Variants in PCDHGB4 observed in about 807,000 individuals in gnomAD.
The protein encoded by PCDHGB4 is protocadherin gamma subfamily B, 4.
PCDHGB4 carries 38 observed loss-of-function variants against 60.5 expected under a neutral mutation model. That is an observed-to-expected ratio of 0.63 (90% CI 0.48 to 0.82). The LOEUF (loss-of-function observed/expected upper bound fraction) is 0.82, where lower values mean the gene tolerates loss of function less well. Ranked by LOEUF, PCDHGB4 falls within the 40% of genes least tolerant of loss-of-function variation. PCDHGB4 has a pLI of 0.00. For missense variants in PCDHGB4, 1,109 were observed against 1,209.6 expected, an observed-to-expected ratio of 0.92 and a Z score of 1.23; for synonymous variants, 456 against 509.7, an observed-to-expected ratio of 0.89 and a Z score of 1.42.
chr5:141,484,864 A>G, intron 1 of PCDHGB4: 1 of 263,722 alleles, frequency 3.8e-6, no homozygotes, highest in Non-Finnish European at 7.2e-6. Context: ...GGGGTGGGGG[A>G]GCGTGGAGGA....
intron 1 of PCDHGB4, chr5:141,403,850 G>T: frequency 6.2e-7 from 1 of 1,613,634 alleles, no homozygotes; most frequent in Non-Finnish European, 8.5e-7. Context: ...AAATACTGGG[G>T]AAATATCAAC....
At chr5:141,405,523 G>T (rs140184617) in intron 1 of PCDHGB4, 2 of 679,202 alleles carry the variant, frequency 2.9e-6, no homozygotes, top group African/African-American at 3.6e-5. Context: ...AAATTCAAGC[G>T]ATTCTCCTGC....
chr5:141,510,839 C>T (rs186647886), intron 3 of PCDHGB4, 108 bp from the exon 4 acceptor site: 36 of 1,586,990 alleles, frequency 2.3e-5, no homozygotes, highest in Non-Finnish European at 3.1e-5. Context: ...TCAGCGTGGT[C>T]AAGGCCCAGG....
intron 1 of PCDHGB4, among the ~76,000 whole-genome samples, chr5:141,444,203 C>A (rs2098425806): frequency 1.3e-5 from 1 of 79,180 alleles, no homozygotes; most frequent in Admixed American, 2.0e-4. Context: ...TGGAGTTTCA[C>A]TCTTGTTGCC....
chr5:141,419,415 C>A, intron 1 of PCDHGB4: 2 of 1,613,434 alleles, frequency 1.2e-6, no homozygotes, highest in Non-Finnish European at 1.7e-6. Flanking sequence ...GCGCAGCGCG[C>A]CTTCGACCAC....
At chr5:141,463,773 C>A (rs2099069188) in intron 1 of PCDHGB4, among the ~76,000 whole-genome samples, 1 of 152,088 alleles carries the variant, frequency 6.6e-6, no homozygotes, top group Non-Finnish European at 1.5e-5. Context: ...GGGTTAGAAT[C>A]CTGCACTGTC....
chr5:141,433,062 T>G (rs1371087184), intron 1 of PCDHGB4: 1 of 1,614,074 alleles, frequency 6.2e-7, no homozygotes, highest in Non-Finnish European at 8.5e-7. Context: ...AAGAGTCACC[T>G]GATCTTCCCC....
At chr5:141,441,499 GCCT>G (rs1350774469) in intron 1 of PCDHGB4, 5 of 169,932 alleles carry the variant, frequency 2.9e-5, no homozygotes, top group African/African-American at 1.2e-4. Context: ...TTTCTACCAG[GCCT>G]CCTACGTCGT....
intron 1 of PCDHGB4, among the ~76,000 whole-genome samples, chr5:141,454,172 CAGCTAAAGG>C (rs1351117555): frequency 6.6e-6 from 1 of 152,126 alleles, no homozygotes; most frequent in Admixed American, 6.5e-5. Context: ...TCTAGAAGGG[CAGCTAAAGG>C]AGCTTAGTGA....
intron 1 of PCDHGB4, chr5:141,408,047 A>C (rs1038145479): frequency 2.4e-6 from 3 of 1,243,316 alleles, no homozygotes; most frequent in Non-Finnish European, 3.2e-6. Context: ...GCTCCCACAC[A>C]GAGCCTCCCG....
chr5:141,459,076 C>T (rs1474375780), intron 1 of PCDHGB4, among the ~76,000 whole-genome samples: 1 of 152,144 alleles, frequency 6.6e-6, no homozygotes, highest in Non-Finnish European at 1.5e-5. Context: ...ATAAAATTTG[C>T]CTTTTAAAAT....
rs549801775 is a variant in PCDHGB4 at position 141,419,346 on chromosome 5, T to C, written c.2397+29065T>C. The C allele has an allele frequency of 6.2e-7, 1 of 1,613,828 alleles. No individual in the cohort carries two copies. The highest frequency in any genetic ancestry group is 2.2e-5 in the East Asian group (1 of 44,886). ...TCCTACTCTCTCATTGCCAGCGACCTGGAGTCACGAACGCTGTCGTCCTAC... is the reference window on the plus strand; with the variant it reads ...TCCTACTCTCTCATTGCCAGCGACCCGGAGTCACGAACGCTGTCGTCCTAC... On this transcript the variant is annotated intron_variant, in intron 1 of 3. Coordinates refer to ENST00000519479, the MANE Select transcript of PCDHGB4 (RefSeq NM_003736.4).
rs372994272 is a variant in PCDHGB4, at chr5:141,485,358, G to C, written c.2398-9449G>C. On this transcript the variant is annotated intron_variant, in intron 1 of 3. Coordinates refer to ENST00000519479, the MANE Select transcript of PCDHGB4 (RefSeq NM_003736.4). This position sits in a 1 kb window ranked among gnomAD's most constrained non-coding sequence, Gnocchi z 5.7. ...CTGGATACGGACAGTCTGTCAGCTC[G>C]CAGGCTGCAGGTCGCTGGAGAGGTG... is the stretch of plus-strand genomic sequence containing the variant. 3.1e-6 allele frequency: 5 copies of C among 1,613,982 alleles called. No homozygotes were observed. Among genetic ancestry groups the C allele is most frequent in the Non-Finnish European group, 4.2e-6 (5 of 1,180,014 alleles).
chr5:141,436,877 A>G (rs2097851127), intron 1 of PCDHGB4, among the ~76,000 whole-genome samples: 1 of 152,252 alleles, frequency 6.6e-6, no homozygotes, highest in Admixed American at 6.5e-5. Flanking sequence ...AGGCCATAAA[A>G]GATGGGGGAA....
chr5:141,482,109 C>G (rs972542276), intron 1 of PCDHGB4, among the ~76,000 whole-genome samples: 2 of 149,582 alleles, frequency 1.3e-5, no homozygotes, highest in African/African-American at 2.5e-5. Context: ...AAAAAAATAT[C>G]TAGAGATGGG....
At chr5:141,418,693 T>C (rs989725231) in intron 1 of PCDHGB4, 1 of 1,613,922 alleles carries the variant, frequency 6.2e-7, no homozygotes, top group South Asian at 1.1e-5. Context: ...CAGAGATCAC[T>C]TATTCCTTCT....
intron 1 of PCDHGB4, chr5:141,410,798 T>C: frequency 1.4e-6 from 1 of 712,186 alleles, no homozygotes; most frequent in Non-Finnish European, 2.1e-6. Flanking sequence ...CATAAGTTGC[T>C]CTATCTTTTT....
At position 141,432,275 on chromosome 5, in the gene PCDHGB4, T is replaced by C. The variant is rs775413198; in HGVS notation, c.2397+41994T>C. 2 of 1,614,232 alleles carry C rather than the reference T, an allele frequency of 1.2e-6. No homozygotes were observed. Among genetic ancestry groups the C allele is most frequent in the South Asian group, 2.2e-5 (2 of 91,086 alleles). On this transcript the variant is annotated intron_variant, in intron 1 of 3. Coordinates refer to ENST00000519479, the MANE Select transcript of PCDHGB4 (RefSeq NM_003736.4). This position sits in a 1 kb window ranked among gnomAD's most constrained non-coding sequence, Gnocchi z 6.0. ...AGGGGCAAGCCTATCGTCCTACGTG[T>C]CCATCAACTCCGACACTGGGGTACT... is the stretch of plus-strand genomic sequence containing the variant.
chr5:141,502,491 T>G lies in PCDHGB4; in HGVS notation c.2457-2902T>G, dbSNP rs557202239. Among the ~76,000 whole-genome samples, 1,415 of 152,344 alleles carry G rather than the reference T, an allele frequency of 9.3e-3. 29 individuals carry two copies. The highest frequency in any genetic ancestry group is 0.033 in the African/African-American group (1,352 of 41,578). ...TCCCGCAGCATCACACTGGGACTCA[T>G]CTAACGTCGGCCTGTCCCACTATCA... is the stretch of plus-strand genomic sequence containing the variant. On this transcript the variant is annotated intron_variant, in intron 2 of 3. Transcript: ENST00000519479.
Sources: gnomAD v4.1 joint callset for allele counts (sites outside exome capture counted in the v4.1 genomes callset) on GRCh38, gnomAD v4.1.1 for gene constraint, Gnocchi (gnomAD v3.1) non-coding constraint, MANE v1.5 for transcripts, NCBI Gene and HGNC (gene_info 2026-07-23, HGNC 2026-07-21) for gene names.